USP40: variants seen among roughly 807,000 people sequenced by gnomAD.
USP40 encodes ubiquitin carboxyl-terminal hydrolase 40.
Under a neutral mutation model 166.2 loss-of-function variants are expected in USP40, and 143 were observed. That is an observed-to-expected ratio of 0.86 (90% CI 0.75 to 0.99). USP40 has a LOEUF of 0.99. Among genes scored for constraint, USP40 ranks in the 50% least tolerant of loss-of-function variants. The pLI is 0.00. For synonymous variants in USP40, 498 were observed against 524.0 expected, an observed-to-expected ratio of 0.95 and a Z score of 0.68; for missense variants, 1,444 against 1,479.7, an observed-to-expected ratio of 0.98 and a Z score of 0.40.
intron 31 of USP40, among the ~76,000 whole-genome samples, chr2:233,479,985 A>C (rs2064462011): frequency 6.6e-6 from 1 of 152,068 alleles, no homozygotes; most frequent in African/African-American, 2.4e-5. Flanking sequence ...CGGCTCCCTG[A>C]TTCTACTTCT....
At chr2:233,514,286 A>T (rs1393480795) in intron 18 of USP40, among the ~76,000 whole-genome samples, 1 of 152,216 alleles carries the variant, frequency 6.6e-6, no homozygotes, top group African/African-American at 2.4e-5. Flanking sequence ...GGAAAAGTAC[A>T]GGGTGTTAGG....
chr2:233,561,379 A>G (rs538733909), intron 3 of USP40, among the ~76,000 whole-genome samples: 107 of 151,002 alleles, frequency 7.1e-4, no homozygotes, highest in African/African-American at 2.5e-3. Context: ...GATATAGATC[A>G]ATGCAACAGA....
chr2:233,559,703 A>G (rs2071406023), intron 4 of USP40, 108 bp downstream of exon 4: 2 of 639,242 alleles, frequency 3.1e-6, no homozygotes, highest in Admixed American at 3.7e-5. Context: ...CATTCAAACA[A>G]TATGTTGAGA....
In USP40 at chr2:233,477,467, G is replaced by A. The variant is rs1417219076; in HGVS notation, c.3636C>T (p.Leu1212=). Residue 1212 remains leucine (L), a synonymous_variant, in exon 32 of 32, where the codon CTC becomes CTT. Transcript: ENST00000678225. The part of the protein sequence containing the change: ...EALHEQSSYI[L]SSAETPARPR... ...GCCGGGCAGGCGTCTCTGCACTGGA[G>A]AGGATGTAGCTGCTCTGCTCATGGA... 2.5e-6 allele frequency: 4 copies of A among 1,613,792 alleles called. No individual in the cohort carries two copies. Among genetic ancestry groups the A allele is most frequent in the Middle Eastern group, 1.6e-4 (1 of 6,062 alleles).
intron 10 of USP40, among the ~76,000 whole-genome samples, chr2:233,537,371 AAG>A (rs761920623): frequency 1.1e-4 from 16 of 152,178 alleles, no homozygotes; most frequent in Non-Finnish European, 2.2e-4. Context: ...CAGAAAAAGA[AAG>A]AGAGATGAGG....
Position 233,488,225 on chromosome 2 carries a change from G to T in USP40, c.3197+14C>A. 6.3e-7 allele frequency: 1 copy of T among 1,596,748 alleles called. No individual in the cohort carries two copies. The highest frequency in any genetic ancestry group is 1.7e-5 in the Admixed American group (1 of 58,054). On this transcript the variant is annotated intron_variant, in intron 28 of 31. Transcript: ENST00000678225. ...ACGTGTGTGTCACTTCAGATGCACA[G>T]GAGAATTTCTTACCCCAAGTTTTCG...
chr2:233,509,238 CAGG>C (rs970435727), intron 21 of USP40, among the ~76,000 whole-genome samples: 13 of 152,108 alleles, frequency 8.5e-5, no homozygotes, highest in African/African-American at 3.1e-4. Context: ...ATTTCAAATT[CAGG>C]AGAACAGGTT....
intron 21 of USP40, among the ~76,000 whole-genome samples, chr2:233,506,977 C>CA (rs528896317): frequency 1.3e-4 from 20 of 149,558 alleles, no homozygotes; most frequent in African/African-American, 3.9e-4. Flanking sequence ...AATTCAACAG[C>CA]AAAAAAAAAG....
At chr2:233,532,419 C>T (rs924996178) in intron 11 of USP40, among the ~76,000 whole-genome samples, 4 of 152,126 alleles carry the variant, frequency 2.6e-5, no homozygotes, top group African/African-American at 7.2e-5. Context: ...AGACTGATGG[C>T]GGGCTCCCAA....
At chr2:233,522,239 C>T (rs1418129933) in intron 16 of USP40, among the ~76,000 whole-genome samples, 4 of 152,200 alleles carry the variant, frequency 2.6e-5, no homozygotes, top group African/African-American at 4.8e-5. Flanking sequence ...CACCCAAATG[C>T]TAACAGTGAT....
intron 15 of USP40, among the ~76,000 whole-genome samples, chr2:233,523,914 G>A (rs951031501): frequency 1.3e-5 from 2 of 152,066 alleles, no homozygotes; most frequent in Admixed American, 6.6e-5. Flanking sequence ...ACTCCAGCAC[G>A]TATGGTGCAG....
At chr2:233,543,882 G>C (rs1394788538) in intron 8 of USP40, among the ~76,000 whole-genome samples, 1 of 152,252 alleles carries the variant, frequency 6.6e-6, no homozygotes, top group East Asian at 1.9e-4. Flanking sequence ...CAGAGTTGGG[G>C]AGAGAAAGCC....
At chr2:233,565,157 T>A (rs2072025478) in intron 2 of USP40, among the ~76,000 whole-genome samples, 199 bp downstream of exon 2, 1 of 152,224 alleles carries the variant, frequency 6.6e-6, no homozygotes, top group Non-Finnish European at 1.5e-5. Flanking sequence ...ATTATTGTCA[T>A]CACCCAGGAT....
chr2:233,539,355 T>C (rs1440305889), intron 10 of USP40, among the ~76,000 whole-genome samples: 1 of 152,100 alleles, frequency 6.6e-6, no homozygotes, highest in Non-Finnish European at 1.5e-5. Flanking sequence ...TAGACAACAC[T>C]CTGAACCGTA....
intron 21 of USP40, among the ~76,000 whole-genome samples, chr2:233,506,783 T>C (rs907452333): frequency 1.4e-5 from 2 of 143,094 alleles, no homozygotes; most frequent in African/African-American, 2.6e-5. Flanking sequence ...TAGTAGCATA[T>C]ACCTGCGATC....
chr2:233,517,463 C>T (rs1328254786), intron 18 of USP40, among the ~76,000 whole-genome samples: 1 of 148,022 alleles, frequency 6.8e-6, no homozygotes, highest in African/African-American at 2.5e-5. Flanking sequence ...CGGCTCACTA[C>T]AAGCTCTGCC....
In USP40 at chr2:233,533,511, T is replaced by C. The variant is rs145198252; in HGVS notation, c.1439A>G (p.Tyr480Cys). ...QGKESAYMLF[Y>C]RKSQLQRPPE... is the part of the protein sequence containing the mutation. ...GGGTCTCTGCAACTGGGATTTCCGA[T>C]AAAACAACATGTAGGCACTTTCTTT... The change falls in exon 11 of 32, where the codon TAT becomes TGT. Residue 480 changes from tyrosine to cysteine, a missense_variant. By Grantham distance (194) the Tyr-to-Cys change is radical (BLOSUM62 -2). Transcript: ENST00000678225. The C allele has an allele frequency of 6.2e-7, 1 of 1,613,728 alleles. No individual in the cohort carries two copies. The highest frequency in any genetic ancestry group is 8.5e-7 in the Non-Finnish European group (1 of 1,179,696).
chr2:233,491,027 C>A, intron 26 of USP40, 140 bp downstream of exon 26: 1 of 773,138 alleles, frequency 1.3e-6, no homozygotes, highest in Non-Finnish European at 2.3e-6. Context: ...CCTGCGGGTA[C>A]TTACCACTGA....
intron 24 of USP40, among the ~76,000 whole-genome samples, chr2:233,494,069 TAAG>T (rs1377962890): frequency 1.3e-5 from 2 of 152,232 alleles, no homozygotes; most frequent in Admixed American, 6.5e-5. Flanking sequence ...ACAGGTTTAT[TAAG>T]AGATAAAAGG....
Sources: allele counts gnomAD v4.1 joint callset (sites outside exome capture counted in the v4.1 genomes callset), GRCh38; gene constraint gnomAD v4.1.1; transcripts MANE v1.5; gene names NCBI Gene and HGNC (gene_info 2026-07-23, HGNC 2026-07-21).